The following ADARB2 variants were observed in gnomAD, a reference collection of about 807,000 sequenced individuals.
ADARB2 encodes adenosine deaminase RNA specific B2 (inactive).
In ADARB2, 25 loss-of-function variants were observed where a neutral mutation model predicts 62.2. The ratio of observed to expected loss-of-function variants is 0.40; its 90% confidence interval spans 0.29 to 0.56. ADARB2 has a LOEUF of 0.56. Ranked by LOEUF, ADARB2 falls within the 20% of genes least tolerant of loss-of-function variation. ADARB2 has a pLI of 0.43. For missense variants in ADARB2, 1,071 were observed against 1,077.4 expected, an observed-to-expected ratio of 0.99 and a Z score of 0.08; for synonymous variants, 572 against 500.8, an observed-to-expected ratio of 1.14 and a Z score of -1.90.
chr10:1,651,636 G>A (rs188947295), intron 1 of ADARB2, among the ~76,000 whole-genome samples: 21 of 152,340 alleles, frequency 1.4e-4, no homozygotes, highest in Admixed American at 1.3e-3. Context: ...CTGTTTGGCT[G>A]TTCATCATTT....
intron 1 of ADARB2, among the ~76,000 whole-genome samples, chr10:1,408,157 A>G (rs1253871702): frequency 6.6e-6 from 1 of 152,226 alleles, no homozygotes; most frequent in African/African-American, 2.4e-5. Context: ...AGCTGAGATC[A>G]TGCTTTACAT....
At chr10:1,595,045 C>T in intron 1 of ADARB2, among the ~76,000 whole-genome samples, 1 of 152,172 alleles carries the variant, frequency 6.6e-6, no homozygotes, top group East Asian at 1.9e-4. Flanking sequence ...CTAGACCTGC[C>T]CGCCCAGCAC....
chr10:1,529,500 T>C (rs1832193304), intron 1 of ADARB2, among the ~76,000 whole-genome samples: 1 of 152,114 alleles, frequency 6.6e-6, no homozygotes, highest in African/African-American at 2.4e-5. Context: ...ACAGTAGCTA[T>C]GGCCATCCTT....
chr10:1,417,190 T>TAAGACAGTCAAGAAGTGTAGACC (rs1564284276), intron 1 of ADARB2, among the ~76,000 whole-genome samples: 14 of 148,240 alleles, frequency 9.4e-5, no homozygotes, highest in Admixed American at 7.5e-4. Flanking sequence ...AAGTGTAGAT[T>TAAGACAGTCAAGAAGTGTAGACC]AAGACAGTCA....
chr10:1,245,497 C>A (rs574173819), intron 4 of ADARB2, among the ~76,000 whole-genome samples: 2 of 139,666 alleles, frequency 1.4e-5, no homozygotes, highest in South Asian at 5.3e-4. Context: ...CTCCCCCCAC[C>A]CCACAACAGG....
rs544782654 is a variant in ADARB2, at chr10:1,587,962, C to T, written c.100+149089G>A. 2.5e-4 allele frequency among the ~76,000 whole-genome samples: 38 copies of T among 152,168 alleles called. 1 individual carries two copies. Among genetic ancestry groups the T allele is most frequent in the Non-Finnish European group, 4.9e-4 (33 of 68,022 alleles). ...GTGAGGCCTCCCTAGTCTCATGGAA[C>T]TGTGAGTCCATTAAGTGTCTTTTTC... is the stretch of plus-strand genomic sequence containing the variant. On this transcript the variant is annotated intron_variant, in intron 1 of 9. Coordinates refer to ENST00000381312, the MANE Select transcript of ADARB2 (RefSeq NM_018702.4).
At chr10:1,298,556 G>A (rs577191664) in intron 3 of ADARB2, among the ~76,000 whole-genome samples, 61 of 152,204 alleles carry the variant, frequency 4.0e-4, no homozygotes, top group Middle Eastern at 3.4e-3. Context: ...ATAGAGACAG[G>A]CAGTAGCCAA....
intron 1 of ADARB2, among the ~76,000 whole-genome samples, chr10:1,463,321 C>T (rs1564296922): frequency 6.6e-6 from 1 of 152,142 alleles, no homozygotes; most frequent in Non-Finnish European, 1.5e-5. Context: ...GTGTGGCCCT[C>T]GCTGATGAAG....
chr10:1,585,837 A>G (rs1240362433), intron 1 of ADARB2, among the ~76,000 whole-genome samples: 1 of 152,162 alleles, frequency 6.6e-6, no homozygotes, highest in African/African-American at 2.4e-5. Context: ...GATCGAGACC[A>G]TCCTGGCTAA....
intron 3 of ADARB2, among the ~76,000 whole-genome samples, chr10:1,336,032 T>C (rs545767511): frequency 4.6e-5 from 7 of 152,230 alleles, no homozygotes; most frequent in African/African-American, 7.2e-5. Flanking sequence ...TCAAAAATAA[T>C]TTGGTTGTAG....
At chr10:1,390,416 AC>A (rs1564277282) in intron 1 of ADARB2, among the ~76,000 whole-genome samples, 4 of 152,184 alleles carry the variant, frequency 2.6e-5, no homozygotes, top group African/African-American at 9.7e-5. Flanking sequence ...TTGGACTGTA[AC>A]ATGTGCGGTT....
intron 1 of ADARB2, among the ~76,000 whole-genome samples, chr10:1,454,270 G>T (rs1831072307): frequency 6.6e-6 from 1 of 152,204 alleles, no homozygotes; most frequent in Admixed American, 6.5e-5. Context: ...CCACTGGGTT[G>T]CTCCTATGAC....
At chr10:1,607,079 T>G (rs1833503631) in intron 1 of ADARB2, among the ~76,000 whole-genome samples, 2 of 152,380 alleles carry the variant, frequency 1.3e-5, no homozygotes, top group Admixed American at 1.3e-4. Flanking sequence ...ATACACGTTT[T>G]GAAATGTCTA....
chr10:1,420,510 C>G (rs1220315540), intron 1 of ADARB2, among the ~76,000 whole-genome samples: 1 of 150,402 alleles, frequency 6.6e-6, no homozygotes, highest in Non-Finnish European at 1.5e-5. Context: ...GCTGATCTGT[C>G]TCTATCTACC....
intron 1 of ADARB2, among the ~76,000 whole-genome samples, chr10:1,562,324 C>T (rs1269416950): frequency 2.6e-5 from 4 of 152,174 alleles, no homozygotes; most frequent in African/African-American, 4.8e-5. Context: ...GTGCAGCTGC[C>T]GTTTCTTTCT....
chr10:1,302,344 G>GT (rs1564251525), intron 3 of ADARB2, among the ~76,000 whole-genome samples: 1 of 149,866 alleles, frequency 6.7e-6, no homozygotes, highest in African/African-American at 2.4e-5. Context: ...GGCGCACCAC[G>GT]AGATTATATC....
chr10:1,411,733 AC>A (rs1360541902), intron 1 of ADARB2, among the ~76,000 whole-genome samples: 1 of 152,138 alleles, frequency 6.6e-6, no homozygotes, highest in African/African-American at 2.4e-5. Flanking sequence ...GTGCAAGGCC[AC>A]TGTAGGTGCT....
chr10:1,256,920 G>C (rs1397340633), intron 4 of ADARB2, among the ~76,000 whole-genome samples: 2 of 152,186 alleles, frequency 1.3e-5, no homozygotes, highest in Non-Finnish European at 2.9e-5. Context: ...ACCGAGGATG[G>C]CTGACAAGGT....
At chr10:1,653,110 T>C (rs1045633805) in intron 1 of ADARB2, among the ~76,000 whole-genome samples, 3 of 152,190 alleles carry the variant, frequency 2.0e-5, no homozygotes, top group Admixed American at 1.3e-4. Flanking sequence ...TGTGAGGCTG[T>C]TGTTGTCTCC....
Sources: allele counts gnomAD v4.1 joint callset (sites outside exome capture counted in the v4.1 genomes callset), GRCh38; gene constraint gnomAD v4.1.1; transcripts MANE v1.5; gene names NCBI Gene and HGNC (gene_info 2026-07-23, HGNC 2026-07-21).